Variants in CHAF1B observed in about 807,000 individuals in gnomAD.
CHAF1B encodes the protein CAF-1 subunit B.
A neutral mutation model predicts 60.7 loss-of-function variants in CHAF1B; 10 were observed. The observed-to-expected ratio is 0.16, with a 90% CI of 0.10 to 0.28. The LOEUF (loss-of-function observed/expected upper bound fraction) is 0.28, where lower values mean the gene tolerates loss of function less well. CHAF1B is among the 10% of genes least tolerant of loss of function. CHAF1B has a pLI of 1.00. For synonymous variants in CHAF1B, 261 were observed against 266.1 expected (o/e 0.98, Z 0.19); for missense variants, 558 against 708.4 (o/e 0.79, Z 2.41).
At chr21:36,400,249 G>A (rs2086176287) in intron 7 of CHAF1B, among the ~76,000 whole-genome samples, 1 of 152,092 alleles carries the variant, frequency 6.6e-6, no homozygotes, top group African/African-American at 2.4e-5. Context: ...GGAGGCTGAG[G>A]CAGGTGGATC....
Position 36,408,847 on chromosome 21 carries a change from A to C in CHAF1B, c.827+17A>C, listed in dbSNP as rs758819628. 9.7e-5 allele frequency: 150 copies of C among 1,541,006 alleles called. No homozygotes were observed. The highest frequency in any genetic ancestry group is 1.2e-4 in the Non-Finnish European group (138 of 1,114,136). On this transcript the variant is annotated intron_variant, in intron 9 of 13. Coordinates refer to ENST00000314103, the MANE Select transcript of CHAF1B (RefSeq NM_005441.3). ...TCTTAAAAGGTATGCAGTCAAGGAA[A>C]TGTTTGAAATGTTTACATTTTTTTT...
Position 36,413,112 on chromosome 21 carries a change from C to T in CHAF1B, c.1290C>T (p.Pro430=), listed in dbSNP as rs749146474. Residue 430 remains proline (P), a synonymous_variant, in exon 12 of 14, where the codon CCC becomes CCT. Coordinates refer to ENST00000314103, the MANE Select transcript of CHAF1B (RefSeq NM_005441.3). ...GCAGAACCCAAGACCCCAGCAGCCC[C>T]GGCACGACTCCCCCTCAGGCCAGAC... The part of the protein sequence containing the change: ...PASRTQDPSS[P]GTTPPQARQA... 2.9e-5 allele frequency: 46 copies of T among 1,613,952 alleles called. No individual in the cohort carries two copies. The highest frequency in any genetic ancestry group is 1.5e-4 in the African/African-American group (11 of 74,890).
At chr21:36,416,044 G>A (rs564938705) in intron 13 of CHAF1B, among the ~76,000 whole-genome samples, 7 of 152,070 alleles carry the variant, frequency 4.6e-5, no homozygotes, top group Non-Finnish European at 7.4e-5. Flanking sequence ...GTGAGCCACC[G>A]CGCCCAGCTT....
In CHAF1B at chr21:36,412,995, C is replaced by A. The variant is rs139594054; in HGVS notation, c.1173C>A (p.Asn391Lys). ...GIPLKEKPVL[N>K]MRTPDTAKKT... ...CTTTGAAAGAGAAGCCAGTTTTGAA[C>A]ATGAGAACTCCTGATACAGCAAAGA... The change falls in exon 12 of 14, where the codon AAC (asparagine) becomes AAA (lysine). Residue 391 changes from asparagine (N) to lysine (K), a missense_variant. Coordinates refer to ENST00000314103, the MANE Select transcript of CHAF1B (RefSeq NM_005441.3). The A allele has an allele frequency of 8.1e-6, 13 of 1,614,060 alleles. No homozygotes were observed. The highest frequency in any genetic ancestry group is 8.5e-6 in the Non-Finnish European group (10 of 1,180,042).
intron 8 of CHAF1B, among the ~76,000 whole-genome samples, chr21:36,404,342 G>A (rs1347430565): frequency 2.7e-5 from 4 of 149,842 alleles, no homozygotes; most frequent in Non-Finnish European, 4.4e-5. Context: ...CTTGTGATCC[G>A]CCTGCCTTGG....
intron 8 of CHAF1B, among the ~76,000 whole-genome samples, chr21:36,408,128 CAG>C (rs1423881359): frequency 1.3e-5 from 2 of 152,054 alleles, no homozygotes; most frequent in African/African-American, 4.8e-5. Flanking sequence ...TAGCATAAAA[CAG>C]GGAGATGTTT....
chr21:36,409,295 C>G (rs2086259791), intron 9 of CHAF1B, 79 bp from the exon 10 acceptor site: 4 of 1,163,294 alleles, frequency 3.4e-6, no homozygotes, highest in Middle Eastern at 2.7e-4. Flanking sequence ...GCCACCGCGC[C>G]CTGCCAAAAT....
intron 10 of CHAF1B, 52 bp from the exon 11 acceptor site, chr21:36,411,411 G>T: frequency 6.2e-7 from 1 of 1,607,310 alleles, no homozygotes; most frequent in African/African-American, 1.3e-5. Flanking sequence ...ATTGCACCTG[G>T]TCAGAAGCCT....
intron 5 of CHAF1B, among the ~76,000 whole-genome samples, chr21:36,397,033 T>C (rs1306081056): frequency 6.6e-6 from 1 of 152,224 alleles, no homozygotes; most frequent in Non-Finnish European, 1.5e-5. Context: ...TTCGCTAAGC[T>C]GTTTTAACCC....
intron 4 of CHAF1B, among the ~76,000 whole-genome samples, chr21:36,392,022 A>G (rs576498920): frequency 6.8e-6 from 1 of 147,228 alleles, no homozygotes; most frequent in Admixed American, 7.0e-5. Flanking sequence ...AGGTCAGCAG[A>G]TAAACAAGTG....
chr21:36,415,233 A>AT (rs2086308449), intron 12 of CHAF1B, 62 bp from the exon 13 acceptor site: 1 of 1,020,470 alleles, frequency 9.8e-7, no homozygotes. Context: ...GGTATCATAC[A>AT]TAAACAATTC....
At chr21:36,407,429 A>T (rs1233667463) in intron 8 of CHAF1B, among the ~76,000 whole-genome samples, 1 of 152,224 alleles carries the variant, frequency 6.6e-6, no homozygotes, top group African/African-American at 2.4e-5. Context: ...AGTAAATATT[A>T]TGCAGCTACA....
Position 36,418,970 on chromosome 21 carries a change from C to T in CHAF1B, c.*2604C>T, listed in dbSNP as rs2086336853. 6.6e-6 allele frequency: 1 copy of T among 152,262 alleles called. No individual in the cohort carries two copies. The highest frequency in any genetic ancestry group is 1.5e-5 in the Non-Finnish European group (1 of 68,052). 9.4% of individuals were successfully genotyped at this position (152,262 alleles called of 1,614,324 possible). A position where few individuals can be genotyped will look rare whatever the true frequency, so the allele number is the denominator to read the frequency against. On this transcript the variant is annotated 3_prime_UTR_variant, in exon 14 of 14. Coordinates refer to ENST00000314103, the MANE Select transcript of CHAF1B (RefSeq NM_005441.3). ...TGGCCTGCCTGTTCTCAGCCATCATCCTTAAATATAAATCAAAATTGGCAA... is the reference window on the plus strand; with the variant it reads ...TGGCCTGCCTGTTCTCAGCCATCATTCTTAAATATAAATCAAAATTGGCAA...
intron 13 of CHAF1B, chr21:36,416,002 C>T (rs2086316372): frequency 2.8e-6 from 1 of 363,104 alleles, no homozygotes; most frequent in Non-Finnish European, 5.2e-6. Context: ...GATCCACCCG[C>T]CTCAGCCTCC....
chr21:36,403,398 A>G (rs1005780464), intron 8 of CHAF1B, among the ~76,000 whole-genome samples: 4 of 140,730 alleles, frequency 2.8e-5, no homozygotes, highest in African/African-American at 5.3e-5. Flanking sequence ...CAGAGGGTGC[A>G]GTGAGCCGAG....
rs200843761 is a variant in CHAF1B, at chr21:36,397,390, G to C, written c.482-25G>C. On this transcript the variant is annotated intron_variant, in intron 5 of 13. Transcript: ENST00000314103. ...CAGGTTTTGGTAATGCTGTTTTGGT[G>C]CGTGTGTGTGTGTTTTTTTTGTAGG... 5.9e-4 allele frequency: 744 copies of C among 1,269,940 alleles called. 6 individuals are homozygous for C. Among genetic ancestry groups the C allele is most frequent in the Middle Eastern group, 5.0e-3 (26 of 5,234 alleles). 78.7% of individuals were successfully genotyped at this position (1,269,940 alleles called of 1,614,324 possible).
rs1601559070 is a variant in CHAF1B, at chr21:36,394,433, C to T, written c.378-114C>T. On this transcript the variant is annotated intron_variant, in intron 4 of 13. Coordinates refer to ENST00000314103, the MANE Select transcript of CHAF1B (RefSeq NM_005441.3). Reference sequence around the variant, plus strand: ...CTGTGTTAGCCAGGCTGGCCTTGAACTCCTGACCACAGGCAGTCTGTCTAC... The same window carrying T: ...CTGTGTTAGCCAGGCTGGCCTTGAATTCCTGACCACAGGCAGTCTGTCTAC... 4.3e-6 allele frequency: 3 copies of T among 702,684 alleles called. No individual in the cohort carries two copies. The East Asian group carries it at 8.0e-5, about 19-fold the overall frequency. 43.5% of individuals were successfully genotyped at this position (702,684 alleles called of 1,614,324 possible).
rs561287666 is a variant in CHAF1B at position 36,413,311 on chromosome 21, C to A, written c.1489C>A (p.Pro497Thr). The change falls in exon 12 of 14, where the codon CCC (proline) becomes ACC (threonine). Residue 497 changes from proline to threonine, a missense_variant. Physicochemically the swap from Pro to Thr is conservative, Grantham distance 38 (BLOSUM62 -1). Around this residue, in one of 2 missense-constraint regions of CHAF1B, gnomAD observed 233 missense variants for 214.9 expected, o/e 1.08. Transcript: ENST00000314103. ...ACTGCAAGCCTGGAGCAAGACAACA[C>A]CCCGGTAAGAACTTGTTGGAACAAG... is the stretch of plus-strand genomic sequence containing the variant. ...NTLQAWSKTT[P>T]RRINLTPLKT... The A allele has an allele frequency of 1.3e-6, 2 of 1,567,054 alleles. No individual in the cohort carries two copies. Among genetic ancestry groups the A allele is most frequent in the Non-Finnish European group, 1.7e-6 (2 of 1,158,808 alleles).
intron 2 of CHAF1B, among the ~76,000 whole-genome samples, chr21:36,386,780 C>G (rs544981478): frequency 6.6e-6 from 1 of 150,920 alleles, no homozygotes; most frequent in African/African-American, 2.4e-5. Context: ...GTGGTGCAAT[C>G]TCGACTTACT....
Sources: gnomAD v4.1 joint callset for allele counts (sites outside exome capture counted in the v4.1 genomes callset) on GRCh38, gnomAD v4.1.1 for gene constraint, gnomAD v4.1.1 regional missense constraint, MANE v1.5 for transcripts, NCBI Gene and HGNC (gene_info 2026-07-23, HGNC 2026-07-21) for gene names.